Variants in LRP1B observed in about 807,000 individuals in gnomAD.
LRP1B encodes the protein low-density lipoprotein receptor-related protein 1B.
Under a neutral mutation model 556.6 loss-of-function variants are expected in LRP1B, and 217 were observed. The ratio of observed to expected loss-of-function variants is 0.39; its 90% CI spans 0.35 to 0.44. The LOEUF is 0.44. Ranked by LOEUF, LRP1B falls within the 20% of genes least tolerant of loss-of-function variation. The probability of loss-of-function intolerance (pLI) is 1.00; values close to 1 mark genes in which losing one functional copy is unlikely to be tolerated. For synonymous variants in LRP1B, 2,047 were observed against 1,865.8 expected, an observed-to-expected ratio of 1.10 and a Z score of -2.50; for missense variants, 5,053 against 5,620.8, an observed-to-expected ratio of 0.90 and a Z score of 3.23.
rs571213510 is a variant in LRP1B, at chr2:140,902,605, TA to T, written c.3766+314del. 5.9e-5 allele frequency among the ~76,000 whole-genome samples: 9 copies of T among 152,154 alleles called. No homozygotes were observed. The East Asian group carries it at 1.6e-3, about 26-fold the overall frequency. On this transcript the variant is annotated intron_variant, in intron 23 of 90. Transcript: ENST00000389484. ...ATTGGGAATGTGGGGCAGGACCCCC[TA>T]AAAAAGCATACACAGAGAAACAAAG...
At chr2:141,053,542 G>C (rs1028017563) in intron 10 of LRP1B, among the ~76,000 whole-genome samples, 3 of 151,976 alleles carry the variant, frequency 2.0e-5, no homozygotes, top group African/African-American at 7.2e-5. Flanking sequence ...TAGCTTCTGA[G>C]TATGGTAGAT....
intron 2 of LRP1B, among the ~76,000 whole-genome samples, chr2:141,581,812 T>A (rs1396103524): frequency 6.6e-6 from 1 of 152,190 alleles, no homozygotes; most frequent in Non-Finnish European, 1.5e-5. Flanking sequence ...CTACAATATA[T>A]GTAGGGCAAC....
rs527964771 is a variant in LRP1B at position 140,838,171 on chromosome 2, T to C, written c.5209+1820A>G. Among the ~76,000 whole-genome samples the C allele has an allele frequency of 5.9e-5, 9 of 152,320 alleles. No homozygotes were observed. The South Asian group carries it at 1.9e-3, about 32-fold the overall frequency. ...ATTAACATTTTGGTATAAACTATGA[T>C]TGCCAAATTACAATGTAAGGACTTG... On this transcript the variant is annotated intron_variant, in intron 31 of 90. Coordinates refer to ENST00000389484, the MANE Select transcript of LRP1B (RefSeq NM_018557.3).
At chr2:140,700,226 T>C in intron 41 of LRP1B, 24 bp downstream of exon 41, 1 of 1,585,278 alleles carries the variant, frequency 6.3e-7, no homozygotes, top group Non-Finnish European at 8.6e-7. Flanking sequence ...TTCCACCTAT[T>C]TAAAATTGAA....
intron 35 of LRP1B, among the ~76,000 whole-genome samples, chr2:140,721,498 A>C (rs184632110): frequency 1.3e-5 from 2 of 149,318 alleles, no homozygotes; most frequent in African/African-American, 4.9e-5. Context: ...TCTTGATTCA[A>C]GCTAGTGATA....
intron 7 of LRP1B, among the ~76,000 whole-genome samples, chr2:141,074,051 T>C (rs1699716766): frequency 6.6e-6 from 1 of 152,128 alleles, no homozygotes; most frequent in South Asian, 2.1e-4. Context: ...CTTACATTCC[T>C]AACATTACCA....
chr2:140,546,727 A>T (rs1392171880), intron 43 of LRP1B, among the ~76,000 whole-genome samples: 1 of 152,040 alleles, frequency 6.6e-6, no homozygotes, highest in East Asian at 1.9e-4. Context: ...AAACCATATC[A>T]CTTGCCTTGT....
chr2:141,148,196 T>C (rs1457084563), intron 7 of LRP1B, among the ~76,000 whole-genome samples: 3 of 152,204 alleles, frequency 2.0e-5, no homozygotes, highest in Non-Finnish European at 4.4e-5. Flanking sequence ...TTCAGAGATA[T>C]ACTCCAGAGT....
chr2:141,225,346 T>A (rs1683202663), intron 6 of LRP1B, among the ~76,000 whole-genome samples: 1 of 152,146 alleles, frequency 6.6e-6, no homozygotes, highest in Non-Finnish European at 1.5e-5. Context: ...GGGATGACAA[T>A]ATGGTTCTGA....
At chr2:140,795,289 C>A (rs1265189513) in intron 32 of LRP1B, among the ~76,000 whole-genome samples, 1 of 152,064 alleles carries the variant, frequency 6.6e-6, no homozygotes, top group Non-Finnish European at 1.5e-5. Context: ...CAACTCAGCA[C>A]AAAATAATCT....
intron 3 of LRP1B, among the ~76,000 whole-genome samples, chr2:141,363,796 A>G (rs895840971): frequency 3.9e-5 from 6 of 152,186 alleles, no homozygotes; most frequent in South Asian, 4.1e-4. Context: ...GTTAAAATGT[A>G]TAGTTATTCT....
intron 14 of LRP1B, among the ~76,000 whole-genome samples, chr2:141,009,461 G>A (rs940051429): frequency 6.6e-6 from 1 of 151,864 alleles, no homozygotes; most frequent in Non-Finnish European, 1.5e-5. Context: ...ATGCTTTGAA[G>A]CCACTTATGT....
At chr2:140,988,480 T>A (rs72991752) in intron 17 of LRP1B, among the ~76,000 whole-genome samples, 15,334 of 152,148 alleles carry the variant, frequency 0.1, 931 homozygotes, top group African/African-American at 0.16. Flanking sequence ...GAATGATGGC[T>A]GTTTTGCTCT....
At chr2:141,511,522 T>C (rs1684131147) in intron 2 of LRP1B, among the ~76,000 whole-genome samples, 1 of 152,200 alleles carries the variant, frequency 6.6e-6, no homozygotes, top group Non-Finnish European at 1.5e-5. Context: ...TCAAGATAGT[T>C]TCAGGATGCA....
chr2:141,180,496 A>G (rs1403366082), intron 7 of LRP1B, among the ~76,000 whole-genome samples: 5 of 152,002 alleles, frequency 3.3e-5, no homozygotes, highest in African/African-American at 1.2e-4. Flanking sequence ...TCACTTTATA[A>G]GTGAAACAAT....
chr2:141,030,357 C>A (rs1698333018), intron 11 of LRP1B, among the ~76,000 whole-genome samples: 1 of 151,852 alleles, frequency 6.6e-6, no homozygotes, highest in South Asian at 2.1e-4. Flanking sequence ...ATCTCTATAT[C>A]TTTTTTATCT....
In LRP1B at chr2:140,526,923, G is replaced by A. The variant is rs1242203949; in HGVS notation, c.7763-573C>T. Among the ~76,000 whole-genome samples, 5 of 151,740 alleles carry A rather than the reference G, an allele frequency of 3.3e-5. No homozygotes were observed. In the South Asian group the frequency reaches 8.3e-4, roughly 25 times the overall value. On this transcript the variant is annotated intron_variant, in intron 47 of 90. Transcript: ENST00000389484. Reference sequence around the variant, plus strand: ...CACTGAACACTGACTTTGTTTCTCAGAGGGAACAGCTTACCACTACTAGAA... The same window carrying A: ...CACTGAACACTGACTTTGTTTCTCAAAGGGAACAGCTTACCACTACTAGAA...
intron 3 of LRP1B, among the ~76,000 whole-genome samples, chr2:141,396,903 G>A (rs1220185523): frequency 3.3e-5 from 5 of 151,578 alleles, no homozygotes; most frequent in Non-Finnish European, 5.9e-5. Context: ...AACTGAGGTC[G>A]GGAGTTTGAG....
intron 59 of LRP1B, among the ~76,000 whole-genome samples, chr2:140,483,429 A>G (rs1688320526): frequency 6.6e-6 from 1 of 151,678 alleles, no homozygotes; most frequent in Non-Finnish European, 1.5e-5. Context: ...CATAAATAGA[A>G]AAGACCACAG....
Sources: allele counts gnomAD v4.1 joint callset (sites outside exome capture counted in the v4.1 genomes callset), GRCh38; gene constraint gnomAD v4.1.1; transcripts MANE v1.5; gene names NCBI Gene and HGNC (gene_info 2026-07-23, HGNC 2026-07-21).